PLCL1: variants seen among roughly 807,000 people sequenced by gnomAD.
The protein encoded by PLCL1 is inactive phospholipase C-like protein 1.
PLCL1 carries 41 observed loss-of-function variants against 84.4 expected under a neutral mutation model. That is an observed-to-expected ratio of 0.49 (90% CI 0.38 to 0.63). The LOEUF is 0.63. PLCL1 is among the 30% of genes least tolerant of loss of function. The pLI is 0.00. For missense variants in PLCL1, 1,206 were observed against 1,367.8 expected, an observed-to-expected ratio of 0.88 and a Z score of 1.87; for synonymous variants, 490 against 488.3, an observed-to-expected ratio of 1.00 and a Z score of -0.05.
At chr2:198,093,004 C>T (rs1693086237) in intron 3 of PLCL1, among the ~76,000 whole-genome samples, 1 of 152,016 alleles carries the variant, frequency 6.6e-6, no homozygotes, top group Non-Finnish European at 1.5e-5. Context: ...TTATTAAATC[C>T]CCTTGATTTT....
At chr2:197,816,045 G>A (rs113427486) in intron 1 of PLCL1, among the ~76,000 whole-genome samples, 385 of 152,238 alleles carry the variant, frequency 2.5e-3, no homozygotes, top group Non-Finnish European at 3.0e-3. Flanking sequence ...TTTTAAAAGA[G>A]GTTAGTTGTG....
intron 1 of PLCL1, among the ~76,000 whole-genome samples, chr2:198,018,899 C>A (rs1242027453): frequency 1.3e-5 from 2 of 152,222 alleles, no homozygotes; most frequent in Admixed American, 1.3e-4. Context: ...CAGACGGCCT[C>A]CTCAAATGGG....
At chr2:197,890,430 C>T (rs564437759) in intron 1 of PLCL1, among the ~76,000 whole-genome samples, 256 of 152,018 alleles carry the variant, frequency 1.7e-3, no homozygotes, top group Non-Finnish European at 3.0e-3. Flanking sequence ...AATCCCTGTC[C>T]TTGGAAGGAG....
intron 1 of PLCL1, among the ~76,000 whole-genome samples, chr2:198,058,884 G>A (rs948362021): frequency 6.6e-6 from 1 of 152,148 alleles, no homozygotes; most frequent in Non-Finnish European, 1.5e-5. Context: ...AAATACTCAT[G>A]CAAAAACAGA....
chr2:197,961,238 G>GA (rs1689615292), intron 1 of PLCL1, among the ~76,000 whole-genome samples: 3 of 146,088 alleles, frequency 2.1e-5, no homozygotes, highest in African/African-American at 7.5e-5. Context: ...TTGGGAAGGT[G>GA]GAGAGAGAGA....
chr2:197,847,341 C>A (rs972965897), intron 1 of PLCL1, among the ~76,000 whole-genome samples: 2 of 152,134 alleles, frequency 1.3e-5, no homozygotes, highest in African/African-American at 4.8e-5. Context: ...AGCCCCAGAT[C>A]CTCAGTGCCC....
intron 1 of PLCL1, among the ~76,000 whole-genome samples, chr2:198,041,701 T>C (rs543794399): frequency 6.6e-6 from 1 of 152,324 alleles, no homozygotes; most frequent in African/African-American, 2.4e-5. Flanking sequence ...GAATGAAGTG[T>C]TCATTCAAGG....
At chr2:197,811,131 T>C (rs1243864602) in intron 1 of PLCL1, among the ~76,000 whole-genome samples, 1 of 152,244 alleles carries the variant, frequency 6.6e-6, no homozygotes, top group Non-Finnish European at 1.5e-5. Context: ...TCCTAGATCA[T>C]CTCTGTATTC....
At position 197,805,206 on chromosome 2, in the gene PLCL1, C is replaced by T. The variant is rs958726865; in HGVS notation, c.107C>T (p.Ala36Val). ...GATGCCGCCGGGGACTGCGTGACGG[C>T]GGCCTCTGGGGGCCGGATGAGGGAC... is the stretch of plus-strand genomic sequence containing the variant. ...GPDAAGDCVT[A>V]ASGGRMRDRR... Residue 36 changes from alanine to valine, a missense_variant, in exon 1 of 6, where the codon GCG becomes GTG. By Grantham distance (64) the Ala-to-Val change is moderately conservative. Coordinates refer to ENST00000428675, the MANE Select transcript of PLCL1 (RefSeq NM_006226.4). This position sits in a 1 kb window ranked among gnomAD's most constrained non-coding sequence, Gnocchi z 4.0. 1.2e-5 allele frequency: 15 copies of T among 1,275,174 alleles called. No homozygotes were observed. The highest frequency in any genetic ancestry group is 3.0e-4 in the Middle Eastern group (1 of 3,366). The allele number at this position is 1,275,174 out of a possible 1,614,324, so 79.0% of individuals were successfully genotyped here. A position where few individuals can be genotyped will look rare whatever the true frequency, so the allele number is the denominator to read the frequency against.
chr2:198,091,685 A>AAAAAT (rs567680554), intron 3 of PLCL1, among the ~76,000 whole-genome samples: 12,968 of 117,710 alleles, frequency 0.11, 1,530 homozygotes, highest in East Asian at 0.25. Flanking sequence ...ATCTCAAATA[A>AAAAAT]AAAATAAAAT....
At chr2:198,029,054 GAAGT>G (rs1197054557) in intron 1 of PLCL1, among the ~76,000 whole-genome samples, 3 of 152,190 alleles carry the variant, frequency 2.0e-5, no homozygotes, top group Admixed American at 2.0e-4. Context: ...TATCAGTGGA[GAAGT>G]AAGGAGATTT....
At chr2:197,973,443 C>T (rs1689908331) in intron 1 of PLCL1, among the ~76,000 whole-genome samples, 3 of 152,152 alleles carry the variant, frequency 2.0e-5, no homozygotes, top group South Asian at 2.1e-4. Flanking sequence ...ATGAATCCTA[C>T]ATTTATTGAG....
intron 1 of PLCL1, among the ~76,000 whole-genome samples, chr2:198,036,499 G>T (rs1381691061): frequency 6.6e-6 from 1 of 152,200 alleles, no homozygotes; most frequent in Non-Finnish European, 1.5e-5. Flanking sequence ...GGAACTATCT[G>T]CTTGGGAAGC....
chr2:198,081,591 A>G (rs974868471), intron 1 of PLCL1, among the ~76,000 whole-genome samples: 1 of 152,214 alleles, frequency 6.6e-6, no homozygotes, highest in Admixed American at 6.5e-5. Context: ...AACTCTTTGT[A>G]AATGCAGGAG....
At chr2:197,969,198 A>T (rs970927988) in intron 1 of PLCL1, among the ~76,000 whole-genome samples, 1 of 152,212 alleles carries the variant, frequency 6.6e-6, no homozygotes, top group African/African-American at 2.4e-5. Context: ...CTTCCATGAA[A>T]CTAGTTCCTG....
chr2:198,032,564 T>G (rs927618510), intron 1 of PLCL1, among the ~76,000 whole-genome samples: 1 of 152,088 alleles, frequency 6.6e-6, no homozygotes, highest in Non-Finnish European at 1.5e-5. Flanking sequence ...AAATTAACAT[T>G]TTTTTTAGGC....
Position 197,986,664 on chromosome 2 carries a change from T to C in PLCL1, c.241-97094T>C, listed in dbSNP as rs1690225560. 2.0e-5 allele frequency among the ~76,000 whole-genome samples: 3 copies of C among 152,342 alleles called. 1 individual carries two copies. The highest frequency in any genetic ancestry group is 2.0e-4 in the Admixed American group (3 of 15,308). On this transcript the variant is annotated intron_variant, in intron 1 of 5. Transcript: ENST00000428675. ...GAGTCTGGCTTCAATTTAATAATTTTGATAGATTTAACATCAGATCAATTG... is the reference window on the plus strand; with the variant it reads ...GAGTCTGGCTTCAATTTAATAATTTCGATAGATTTAACATCAGATCAATTG...
At chr2:197,815,504 C>G (rs188589109) in intron 1 of PLCL1, among the ~76,000 whole-genome samples, 2 of 152,146 alleles carry the variant, frequency 1.3e-5, no homozygotes, top group East Asian at 3.9e-4. Context: ...CATTCTGCAG[C>G]CTATGGATCA....
At chr2:197,819,884 ATG>A (rs57885218) in intron 1 of PLCL1, among the ~76,000 whole-genome samples, 28,708 of 140,064 alleles carry the variant, frequency 0.2, 2,715 homozygotes, top group East Asian at 0.24. Flanking sequence ...ACTATTATGC[ATG>A]TGTGTGTGTG....
Sources: gnomAD v4.1 joint callset for allele counts (sites outside exome capture counted in the v4.1 genomes callset) on GRCh38, gnomAD v4.1.1 for gene constraint, Gnocchi (gnomAD v3.1) non-coding constraint, MANE v1.5 for transcripts, NCBI Gene and HGNC (gene_info 2026-07-23, HGNC 2026-07-21) for gene names.